The following L3MBTL4 variants were observed in gnomAD, a reference collection of about 807,000 sequenced individuals.
L3MBTL4 encodes the protein L3MBTL histone methyl-lysine binding protein 4, also known as lethal(3)malignant brain tumor-like protein 4.
A neutral mutation model predicts 84.5 loss-of-function variants in L3MBTL4; 70 were observed. That is an observed-to-expected ratio of 0.83 (90% CI 0.68 to 1.01). The LOEUF (loss-of-function observed/expected upper bound fraction) is 1.01. Ranked by LOEUF, L3MBTL4 falls within the 50% of genes least tolerant of loss-of-function variation. L3MBTL4 has a pLI of 0.00. For missense variants in L3MBTL4, 715 were observed against 754.8 expected (o/e 0.95, Z 0.62); for synonymous variants, 274 against 259.8 (o/e 1.05, Z -0.52).
chr18:6,315,958 G>T (rs1294913273), intron 1 of L3MBTL4, among the ~76,000 whole-genome samples: 1 of 152,032 alleles, frequency 6.6e-6, no homozygotes, highest in Non-Finnish European at 1.5e-5. Flanking sequence ...AGCACAGGAA[G>T]TCCCAAGATT....
intron 10 of L3MBTL4, among the ~76,000 whole-genome samples, chr18:6,222,332 T>C (rs889419456): frequency 4.6e-5 from 7 of 152,210 alleles, no homozygotes; most frequent in Non-Finnish European, 7.4e-5. Context: ...AAAGAGCTCA[T>C]TTTATAATTG....
chr18:6,105,181 C>T (rs960239933), intron 14 of L3MBTL4, among the ~76,000 whole-genome samples: 1 of 141,812 alleles, frequency 7.1e-6, no homozygotes, highest in African/African-American at 2.8e-5. Flanking sequence ...AGAACACCAC[C>T]AATTTTTTTT....
At chr18:6,378,757 C>T (rs187347011) in intron 1 of L3MBTL4, among the ~76,000 whole-genome samples, 1 of 152,270 alleles carries the variant, frequency 6.6e-6, no homozygotes, top group African/African-American at 2.4e-5. Context: ...TACTGTGATG[C>T]CTCCAGGTTT....
At chr18:5,998,028 C>G (rs1338753266) in intron 16 of L3MBTL4, among the ~76,000 whole-genome samples, 41 of 152,170 alleles carry the variant, frequency 2.7e-4, no homozygotes, top group Non-Finnish European at 1.5e-5. Flanking sequence ...AATTTAGCCT[C>G]TACCTACAAC....
rs137891993 is a variant in L3MBTL4, at chr18:6,193,951, C to T, written c.981+19198G>A. 5.0e-4 allele frequency among the ~76,000 whole-genome samples: 76 copies of T among 152,230 alleles called. 1 individual carries two copies. Among genetic ancestry groups the T allele is most frequent in the African/African-American group, 1.8e-3 (73 of 41,522 alleles). On this transcript the variant is annotated intron_variant, in intron 12 of 18. Coordinates refer to ENST00000317931, the MANE Select transcript of L3MBTL4 (RefSeq NM_001330559.2). ...TCCAACTTGCTAATATATAATAAAA[C>T]CCAGCAGGAGCTTGCTGCATTCATG...
At chr18:6,327,133 G>A (rs1410320131) in intron 1 of L3MBTL4, among the ~76,000 whole-genome samples, 6 of 152,182 alleles carry the variant, frequency 3.9e-5, no homozygotes, top group South Asian at 2.1e-4. Context: ...GTGTTGAAGC[G>A]AGTGTGAAGC....
intron 12 of L3MBTL4, among the ~76,000 whole-genome samples, chr18:6,177,498 G>A (rs2044276279): frequency 6.6e-6 from 1 of 152,140 alleles, no homozygotes; most frequent in African/African-American, 2.4e-5. Flanking sequence ...CTGTGTTGTT[G>A]GAAGTGTTCT....
At chr18:6,018,029 A>G (rs1324740873) in intron 16 of L3MBTL4, among the ~76,000 whole-genome samples, 2 of 152,116 alleles carry the variant, frequency 1.3e-5, no homozygotes, top group Admixed American at 6.5e-5. Flanking sequence ...TGGAAACAGA[A>G]CTCTTTCAGA....
rs556521873 is a variant in L3MBTL4, at chr18:6,030,959, C to T, written c.1444+49922G>A. ...TTATTGTTATGAAATACTCAATGAACGAACAAACAAATTAATTCTACAATT... is the reference window on the plus strand; with the variant it reads ...TTATTGTTATGAAATACTCAATGAATGAACAAACAAATTAATTCTACAATT... On this transcript the variant is annotated intron_variant, in intron 16 of 18. Coordinates refer to ENST00000317931, the MANE Select transcript of L3MBTL4 (RefSeq NM_001330559.2). The T allele has an allele frequency of 1.7e-4, 165 of 984,856 alleles. 1 individual carries two copies. The South Asian group carries it at 4.8e-3, about 29-fold the overall frequency. The allele number at this position is 984,856 out of a possible 1,614,324, so 61.0% of individuals were successfully genotyped here. A position where few individuals can be genotyped will look rare whatever the true frequency, so the allele number is the denominator to read the frequency against.
intron 15 of L3MBTL4, 198 bp from the exon 16 acceptor site, chr18:6,081,149 AC>A: frequency 2.3e-6 from 1 of 431,966 alleles, no homozygotes; most frequent in Non-Finnish European, 4.1e-6. Context: ...CTGACTTTGA[AC>A]CCTGAAATTT....
chr18:6,213,803 T>C (rs1344830996), intron 11 of L3MBTL4, among the ~76,000 whole-genome samples: 1 of 152,234 alleles, frequency 6.6e-6, no homozygotes, highest in Non-Finnish European at 1.5e-5. Context: ...TTTTTGGCCA[T>C]TTTAAAGATA....
chr18:6,051,672 T>A (rs1395887412), intron 16 of L3MBTL4, among the ~76,000 whole-genome samples: 1 of 152,134 alleles, frequency 6.6e-6, no homozygotes, highest in Non-Finnish European at 1.5e-5. Flanking sequence ...GTGACTGTGG[T>A]GGAGACAATG....
chr18:6,204,753 A>C (rs747212792), intron 12 of L3MBTL4, among the ~76,000 whole-genome samples: 4 of 152,196 alleles, frequency 2.6e-5, no homozygotes, highest in African/African-American at 7.2e-5. Flanking sequence ...TGGCTTTTAC[A>C]GTACTTGAGG....
chr18:6,044,242 T>C (rs1467969336), intron 16 of L3MBTL4, among the ~76,000 whole-genome samples: 1 of 152,178 alleles, frequency 6.6e-6, no homozygotes, highest in East Asian at 1.9e-4. Context: ...TGTATAAAAA[T>C]GTGCTAAAAG....
chr18:6,136,000 T>C (rs552535899), intron 14 of L3MBTL4, among the ~76,000 whole-genome samples: 170 of 152,316 alleles, frequency 1.1e-3, no homozygotes, highest in Admixed American at 2.2e-3. Flanking sequence ...CTCAGAATCA[T>C]GGTGGGAGGT....
Position 6,215,831 on chromosome 18 carries a change from A to T in L3MBTL4, c.789T>A (p.Tyr263Ter). Residue 263 changes from tyrosine (Y) to a stop codon, truncating the protein, a stop_gained, in exon 11 of 19, where the codon TAT becomes TAA. Transcript: ENST00000317931. LOFTEE classifies it high-confidence loss of function. ...TCCAGGAAAAATTTTCTGGATTGGG[A>T]TAACCTGAAAATATATATATATAAA... Reference protein sequence around the residue: ...NGRTLIAPQGYPNPENFSWTE... With the variant: ...NGRTLIAPQG The T allele has an allele frequency of 6.4e-7, 1 of 1,559,018 alleles. No individual in the cohort carries two copies. Among genetic ancestry groups the T allele is most frequent in the African/African-American group, 1.4e-5 (1 of 73,406 alleles).
At chr18:6,030,501 CTTTT>C (rs112869054) in intron 16 of L3MBTL4, 455 of 848,136 alleles carry the variant, frequency 5.4e-4, no homozygotes, top group Middle Eastern at 6.1e-4. Flanking sequence ...TGAAGAGACT[CTTTT>C]TTTTTTTTTT....
At chr18:6,086,157 T>C (rs182253032) in intron 15 of L3MBTL4, among the ~76,000 whole-genome samples, 1 of 152,330 alleles carries the variant, frequency 6.6e-6, no homozygotes, top group African/African-American at 2.4e-5. Flanking sequence ...CTTTACTCTT[T>C]ACAATGAGTA....
At chr18:5,980,772 T>C (rs2053175331) in intron 16 of L3MBTL4, among the ~76,000 whole-genome samples, 1 of 152,174 alleles carries the variant, frequency 6.6e-6, no homozygotes, top group South Asian at 2.1e-4. Flanking sequence ...GCAAACTCAA[T>C]GAAGAAGTAG....
Sources: allele counts gnomAD v4.1 joint callset (sites outside exome capture counted in the v4.1 genomes callset), GRCh38; gene constraint gnomAD v4.1.1; transcripts MANE v1.5; gene names NCBI Gene and HGNC (gene_info 2026-07-23, HGNC 2026-07-21).